Variants in TNIK observed in about 807,000 individuals in gnomAD.
TNIK encodes TRAF2 and NCK interacting kinase.
A neutral mutation model predicts 191.3 loss-of-function variants in TNIK; 49 were observed. The ratio of observed to expected loss-of-function variants is 0.26; its 90% CI spans 0.20 to 0.32. TNIK has a LOEUF of 0.32. Ranked by LOEUF, TNIK falls within the 10% of genes least tolerant of loss-of-function variation. The probability of loss-of-function intolerance (pLI) is 1.00; values close to 1 mark genes in which losing one functional copy is unlikely to be tolerated. For synonymous variants in TNIK, 594 were observed against 600.9 expected, an observed-to-expected ratio of 0.99 and a Z score of 0.17; for missense variants, 1,155 against 1,702.3, an observed-to-expected ratio of 0.68 and a Z score of 5.66.
intron 2 of TNIK, among the ~76,000 whole-genome samples, chr3:171,327,933 C>CAAAAAAAAAAAA (rs1577493797): frequency 7.1e-5 from 6 of 84,914 alleles, no homozygotes; most frequent in South Asian, 3.8e-4. Context: ...AAAAAAAAAT[C>CAAAAAAAAAAAA]ACTTGTTTGG....
intron 1 of TNIK, among the ~76,000 whole-genome samples, chr3:171,425,200 T>C (rs533101451): frequency 1.3e-5 from 2 of 152,150 alleles, no homozygotes; most frequent in Non-Finnish European, 2.9e-5. Flanking sequence ...TGTCCAAATA[T>C]CAAAAGCCAC....
chr3:171,079,301 T>C (rs543653489), intron 28 of TNIK, among the ~76,000 whole-genome samples: 1 of 152,342 alleles, frequency 6.6e-6, no homozygotes, highest in South Asian at 2.1e-4. Flanking sequence ...TAGATATAAA[T>C]GTTCAAACTG....
intron 2 of TNIK, among the ~76,000 whole-genome samples, chr3:171,235,608 G>C (rs989229687): frequency 6.6e-6 from 1 of 152,086 alleles, no homozygotes; most frequent in Non-Finnish European, 1.5e-5. Flanking sequence ...GAAAAATAAG[G>C]ACCCAGTGGT....
intron 1 of TNIK, among the ~76,000 whole-genome samples, chr3:171,406,989 G>A (rs528292138): frequency 6.6e-6 from 1 of 152,348 alleles, no homozygotes; most frequent in East Asian, 1.9e-4. Flanking sequence ...GGCCTGCCTG[G>A]GGAAGTGGGG....
intron 2 of TNIK, among the ~76,000 whole-genome samples, chr3:171,264,075 C>T (rs1027659968): frequency 1.7e-4 from 13 of 76,866 alleles, no homozygotes; most frequent in African/African-American, 5.8e-4. Context: ...CATACACACA[C>T]ACACACACAC....
chr3:171,154,623 G>T (rs1732930390), intron 12 of TNIK, among the ~76,000 whole-genome samples: 1 of 152,248 alleles, frequency 6.6e-6, no homozygotes, highest in South Asian at 2.1e-4. Context: ...ACCCCTGAAG[G>T]CTCCCATTAT....
intron 1 of TNIK, among the ~76,000 whole-genome samples, chr3:171,417,253 A>G (rs938898066): frequency 9.2e-5 from 14 of 152,222 alleles, no homozygotes; most frequent in African/African-American, 3.4e-4. Context: ...AAAATATTCA[A>G]TAAGTGACTC....
At chr3:171,282,348 T>TTGTTTTTTG (rs1750551881) in intron 2 of TNIK, among the ~76,000 whole-genome samples, 2 of 142,652 alleles carry the variant, frequency 1.4e-5, no homozygotes, top group African/African-American at 5.4e-5. Context: ...TTTGTTTTTT[T>TTGTTTTTTG]TTTTTTTTTT....
intron 15 of TNIK, among the ~76,000 whole-genome samples, chr3:171,130,538 G>C (rs887449022): frequency 2.6e-5 from 4 of 152,132 alleles, no homozygotes; most frequent in African/African-American, 4.8e-5. Flanking sequence ...CTATTGCATT[G>C]AGCAAAAGAA....
chr3:171,080,423 TTTTA>T (rs201216959), intron 27 of TNIK, among the ~76,000 whole-genome samples: 21 of 150,428 alleles, frequency 1.4e-4, no homozygotes, highest in South Asian at 6.3e-4. Flanking sequence ...TTTAAAAATG[TTTTA>T]TTTATTTATT....
intron 1 of TNIK, among the ~76,000 whole-genome samples, chr3:171,426,447 CTAA>C (rs917537326): frequency 2.7e-5 from 4 of 150,524 alleles, no homozygotes; most frequent in African/African-American, 9.8e-5. Flanking sequence ...GGAGATATAC[CTAA>C]TGTAAATGAC....
At chr3:171,157,746 A>G in intron 11 of TNIK, 82 bp from the exon 12 acceptor site, 13 of 1,379,920 alleles carry the variant, frequency 9.4e-6, no homozygotes, top group Non-Finnish European at 1.3e-5. Context: ...GGAAAGCGGG[A>G]CAAATGATTC....
intron 3 of TNIK, among the ~76,000 whole-genome samples, chr3:171,224,474 A>C (rs1479678888): frequency 6.6e-6 from 1 of 152,102 alleles, no homozygotes; most frequent in Non-Finnish European, 1.5e-5. Flanking sequence ...TATCAAAAAA[A>C]AAACCCCACA....
At chr3:171,123,278 T>C (rs1728004698) in intron 18 of TNIK, among the ~76,000 whole-genome samples, 1 of 152,248 alleles carries the variant, frequency 6.6e-6, no homozygotes, top group Admixed American at 6.5e-5. Flanking sequence ...GAAGTAATGC[T>C]TTAGGGCATT....
chr3:171,452,729 AACACACACACACACACACAC>A (rs10602125), intron 1 of TNIK, among the ~76,000 whole-genome samples: 7 of 142,548 alleles, frequency 4.9e-5, no homozygotes, highest in African/African-American at 7.7e-5. Flanking sequence ...ACACACTCCA[AACACACACACACACACACAC>A]ACACACACAC....
chr3:171,221,261 A>C (rs1319773365), intron 3 of TNIK, among the ~76,000 whole-genome samples: 1 of 152,188 alleles, frequency 6.6e-6, no homozygotes. Flanking sequence ...ATGGCTCCAA[A>C]GTAAAAGTCC....
At chr3:171,126,327 T>G (rs1728477660) in intron 16 of TNIK, among the ~76,000 whole-genome samples, 176 bp from the exon 17 acceptor site, 1 of 152,244 alleles carries the variant, frequency 6.6e-6, no homozygotes, top group East Asian at 1.9e-4. Flanking sequence ...AATTTTCCAT[T>G]GGAACGATAT....
chr3:171,442,198 C>T (rs1303186367), intron 1 of TNIK, among the ~76,000 whole-genome samples: 1 of 152,096 alleles, frequency 6.6e-6, no homozygotes, highest in Non-Finnish European at 1.5e-5. Flanking sequence ...AGCAGCCACA[C>T]GGAGGAAACA....
At position 171,188,763 on chromosome 3, in the gene TNIK, T is replaced by C. The variant is rs1560236068; in HGVS notation, c.578A>G (p.Tyr193Cys). Residue 193 changes from tyrosine (Y) to cysteine (C), a missense_variant, in exon 7 of 33, where the codon TAC becomes TGC. Transcript: ENST00000436636. ...GRRNTFIGTP[Y>C]WMAPEVIACD... ...GGCAATAACTTCTGGTGCCATCCAG[T>C]AGGGAGTTCCAATGAAAGTATTCCT... The C allele has an allele frequency of 6.2e-7, 1 of 1,613,732 alleles. No individual in the cohort carries two copies. The highest frequency in any genetic ancestry group is 8.5e-7 in the Non-Finnish European group (1 of 1,179,666).
Sources: allele counts gnomAD v4.1 joint callset (sites outside exome capture counted in the v4.1 genomes callset), GRCh38; gene constraint gnomAD v4.1.1; transcripts MANE v1.5; gene names NCBI Gene and HGNC (gene_info 2026-07-23, HGNC 2026-07-21).